The following LYPLAL1 variants were observed in gnomAD, a reference collection of about 807,000 sequenced individuals.
LYPLAL1 encodes lysophospholipase-like protein 1.
Under a neutral mutation model 19.7 loss-of-function variants are expected in LYPLAL1, and 23 were observed. The observed-to-expected ratio is 1.17, with a 90% CI of 0.84 to 1.65. The LOEUF is 1.65. Ranked by LOEUF, LYPLAL1 falls within the 40% of genes most tolerant of loss-of-function variation. The pLI is 0.00. For missense variants in LYPLAL1, 355 were observed against 279.4 expected (o/e 1.27, Z -1.93); for synonymous variants, 119 against 96.3 (o/e 1.24, Z -1.38).
chr1:219,299,279 A>G, the LYPLAL1 span, among the ~76,000 whole-genome samples: 1 of 152,148 alleles, frequency 6.6e-6, no homozygotes, highest in Admixed American at 6.5e-5. Context: ...GAAGCAGCCA[A>G]TGTGGGACTC....
chr1:219,326,312 G>C, the LYPLAL1 span, among the ~76,000 whole-genome samples: 1 of 150,552 alleles, frequency 6.6e-6, no homozygotes, highest in African/African-American at 2.4e-5. Context: ...TGGGGGGTTG[G>C]GGGGTGGGGG....
the LYPLAL1 span, among the ~76,000 whole-genome samples, chr1:219,311,533 T>G: frequency 5.7e-5 from 3 of 52,284 alleles, no homozygotes; most frequent in Admixed American, 8.9e-4. Flanking sequence ...ATGTTGTAGG[T>G]GTTTTTTTTT....
At chr1:219,371,898 T>C in the LYPLAL1 span, among the ~76,000 whole-genome samples, 1 of 152,238 alleles carries the variant, frequency 6.6e-6, no homozygotes, top group African/African-American at 2.4e-5. Context: ...CTAAGGTTTT[T>C]CTTTTAACAT....
At chr1:219,426,639 C>T in the LYPLAL1 span, among the ~76,000 whole-genome samples, 1 of 151,876 alleles carries the variant, frequency 6.6e-6, no homozygotes, top group Admixed American at 6.6e-5. Context: ...CACTTTGTCA[C>T]CCAGGCTGCA....
the LYPLAL1 span, among the ~76,000 whole-genome samples, chr1:219,348,859 A>C: frequency 6.6e-6 from 1 of 152,198 alleles, no homozygotes; most frequent in Non-Finnish European, 1.5e-5. Flanking sequence ...AAAGGATGAA[A>C]AAAAGACAAA....
At chr1:219,422,490 G>C in the LYPLAL1 span, among the ~76,000 whole-genome samples, 14,419 of 151,874 alleles carry the variant, frequency 0.095, 693 homozygotes, top group Middle Eastern at 0.2. Context: ...CAGGACAAAG[G>C]GTACATAGCA....
chr1:219,410,264 C>T, the LYPLAL1 span: 3 of 152,182 alleles, frequency 2.0e-5, no homozygotes, highest in Non-Finnish European at 2.9e-5. Context: ...GTGTTACTAG[C>T]AACCTGTAGA....
At chr1:219,422,517 T>C in the LYPLAL1 span, among the ~76,000 whole-genome samples, 1 of 152,110 alleles carries the variant, frequency 6.6e-6, no homozygotes, top group African/African-American at 2.4e-5. Flanking sequence ...ATATCACCTA[T>C]ACTCTTTGTC....
At chr1:219,276,457 A>T in the LYPLAL1 span, among the ~76,000 whole-genome samples, 1 of 152,350 alleles carries the variant, frequency 6.6e-6, no homozygotes, top group African/African-American at 2.4e-5. Flanking sequence ...ACGTTTCTTT[A>T]TAAAAGCATC....
the LYPLAL1 span, among the ~76,000 whole-genome samples, chr1:219,248,069 A>G: frequency 6.6e-6 from 1 of 152,176 alleles, no homozygotes; most frequent in Non-Finnish European, 1.5e-5. Context: ...ATTGTTAAAG[A>G]GTCAAATTTT....
At chr1:219,349,754 T>C in the LYPLAL1 span, among the ~76,000 whole-genome samples, 1 of 152,142 alleles carries the variant, frequency 6.6e-6, no homozygotes, top group Non-Finnish European at 1.5e-5. Context: ...AAATGGTACA[T>C]TGGATAAACT....
chr1:219,416,788 A>G, the LYPLAL1 span, among the ~76,000 whole-genome samples: 14 of 152,242 alleles, frequency 9.2e-5, no homozygotes, highest in African/African-American at 3.1e-4. Flanking sequence ...AGTAAGGGCA[A>G]TTATGGATCC....
the LYPLAL1 span, among the ~76,000 whole-genome samples, chr1:219,323,249 C>G: frequency 6.6e-6 from 1 of 152,028 alleles, no homozygotes; most frequent in Non-Finnish European, 1.5e-5. Context: ...TGAAAGTATA[C>G]TGAAAATATA....
the LYPLAL1 span, among the ~76,000 whole-genome samples, chr1:219,287,766 C>T: frequency 6.6e-6 from 1 of 152,228 alleles, no homozygotes; most frequent in African/African-American, 2.4e-5. Flanking sequence ...CTGTCATCCT[C>T]ACTTGATGGA....
At chr1:219,370,824 C>T in the LYPLAL1 span, among the ~76,000 whole-genome samples, 1 of 152,166 alleles carries the variant, frequency 6.6e-6, no homozygotes, top group African/African-American at 2.4e-5. Context: ...AGAAATTGGG[C>T]TTCTGCACTA....
At chr1:219,433,880 G>A in the LYPLAL1 span, among the ~76,000 whole-genome samples, 51 of 152,240 alleles carry the variant, frequency 3.3e-4, no homozygotes, top group South Asian at 0.011. Flanking sequence ...ATTGTTTGTC[G>A]AATGAATGCA....
At chr1:219,334,850 A>G in the LYPLAL1 span, among the ~76,000 whole-genome samples, 1 of 151,846 alleles carries the variant, frequency 6.6e-6, no homozygotes, top group Admixed American at 6.6e-5. Context: ...ACCTACCAAT[A>G]CTCCACTCAC....
chr1:219,422,976 C>G, the LYPLAL1 span, among the ~76,000 whole-genome samples: 1 of 152,176 alleles, frequency 6.6e-6, no homozygotes, highest in African/African-American at 2.4e-5. Context: ...ATCCCTCCTT[C>G]CCACAAGAAC....
the LYPLAL1 span, among the ~76,000 whole-genome samples, chr1:219,360,447 T>C: frequency 1.3e-5 from 2 of 152,222 alleles, no homozygotes; most frequent in African/African-American, 4.8e-5. Context: ...AGTAGTCATT[T>C]GACAAAGATC....
Sources: allele counts gnomAD v4.1 joint callset (sites outside exome capture counted in the v4.1 genomes callset), GRCh38; gene constraint gnomAD v4.1.1; transcripts MANE v1.5; gene names NCBI Gene and HGNC (gene_info 2026-07-23, HGNC 2026-07-21).